GPATCH8: variants seen among roughly 807,000 people sequenced by gnomAD.
GPATCH8 encodes G-patch domain containing 8, also known as G patch domain-containing protein 8.
In GPATCH8, 18 loss-of-function variants were observed where a neutral mutation model predicts 118.3. The observed-to-expected ratio is 0.15, with a 90% confidence interval of 0.11 to 0.23. GPATCH8 has a LOEUF of 0.23. GPATCH8 is among the 10% of genes least tolerant of loss of function. The pLI is 1.00. For synonymous variants in GPATCH8, 659 were observed against 684.7 expected, an observed-to-expected ratio of 0.96 and a Z score of 0.59; for missense variants, 1,631 against 1,873.8, an observed-to-expected ratio of 0.87 and a Z score of 2.39.
At chr17:44,433,007 A>G (rs958641063) in intron 5 of GPATCH8, among the ~76,000 whole-genome samples, 5 of 151,622 alleles carry the variant, frequency 3.3e-5, no homozygotes, top group African/African-American at 1.2e-4. Context: ...ACACCTAGCT[A>G]TTTTTTTTCT....
chr17:44,461,094 T>C (rs1304182853), intron 3 of GPATCH8, among the ~76,000 whole-genome samples: 1 of 152,218 alleles, frequency 6.6e-6, no homozygotes, highest in Non-Finnish European at 1.5e-5. Flanking sequence ...ACAATGTAAA[T>C]ATACTTCACA....
At position 44,424,332 on chromosome 17, in the gene GPATCH8, A is replaced by G. The variant is rs1414950608; in HGVS notation, c.492+17T>C. The G allele has an allele frequency of 2.6e-6, 4 of 1,558,036 alleles. No homozygotes were observed. In the African/African-American group the frequency reaches 5.4e-5, roughly 21 times the overall value. On this transcript the variant is annotated intron_variant, in intron 6 of 7. Coordinates refer to ENST00000591680, the MANE Select transcript of GPATCH8 (RefSeq NM_001002909.4). ...TAGATAGGTACCTTCTTCTGTTAGC[A>G]AGTAACTACAACTCACCTGCTTGTG...
chr17:44,503,314 G>T lies in GPATCH8; in HGVS notation c.45+12C>A. The T allele has an allele frequency of 6.2e-7, 1 of 1,607,320 alleles. No homozygotes were observed. The highest frequency in any genetic ancestry group is 2.2e-5 in the East Asian group (1 of 44,696). On this transcript the variant is annotated intron_variant, in intron 1 of 7. Coordinates refer to ENST00000591680, the MANE Select transcript of GPATCH8 (RefSeq NM_001002909.4). ...GCGCCTTCCCCGCATCCTCGGCGAC[G>T]CCCGTGTTTACCTGAAAGTCTCGGT...
At chr17:44,491,486 C>CA (rs1023934645) in intron 1 of GPATCH8, among the ~76,000 whole-genome samples, 3,222 of 68,012 alleles carry the variant, frequency 0.047, 111 homozygotes, top group African/African-American at 0.11. Context: ...GACTCCGTCT[C>CA]AAAAAAAAAA....
intron 1 of GPATCH8, among the ~76,000 whole-genome samples, chr17:44,496,735 T>C (rs1478337726): frequency 6.6e-6 from 1 of 152,250 alleles, no homozygotes; most frequent in Non-Finnish European, 1.5e-5. Context: ...TTTAGTTGCT[T>C]TTTCTTCCTA....
chr17:44,404,788 T>C (rs1047639376), intron 7 of GPATCH8, among the ~76,000 whole-genome samples: 2 of 152,116 alleles, frequency 1.3e-5, no homozygotes, highest in Non-Finnish European at 2.9e-5. Context: ...GGACTAATTA[T>C]TATGTTAAGT....
At chr17:44,427,869 A>C (rs934475882) in intron 5 of GPATCH8, among the ~76,000 whole-genome samples, 1 of 152,232 alleles carries the variant, frequency 6.6e-6, no homozygotes, top group Non-Finnish European at 1.5e-5. Flanking sequence ...GGGTAATTTC[A>C]TTAAGTTATA....
At chr17:44,457,665 G>A (rs528118109) in intron 3 of GPATCH8, among the ~76,000 whole-genome samples, 3 of 152,274 alleles carry the variant, frequency 2.0e-5, no homozygotes, top group Admixed American at 1.3e-4. Flanking sequence ...CAGGCATGGT[G>A]GATCACACCT....
At position 44,397,681 on chromosome 17, in the gene GPATCH8, G is replaced by T; in HGVS notation, c.4396C>A (p.Leu1466Ile). Residue 1466 changes from leucine to isoleucine, a missense_variant, in exon 8 of 8, where the codon CTA becomes ATA. This residue lies in a region of GPATCH8 where 65 missense variants were observed against 105.3 expected (regional missense o/e 0.62). Coordinates refer to ENST00000591680, the MANE Select transcript of GPATCH8 (RefSeq NM_001002909.4). ...PVPHAALYPT[L>I]LAPRPAAAAA... is the part of the protein sequence containing the mutation. ...GCTGCAGCAGGCCGTGGAGCAAGTA[G>T]GGTGGGGTAGAGGGCAGCATGTGGG... 1 of 1,612,834 alleles carries T rather than the reference G, an allele frequency of 6.2e-7. No individual in the cohort carries two copies. The highest frequency in any genetic ancestry group is 8.5e-7 in the Non-Finnish European group (1 of 1,179,110).
chr17:44,461,144 TTTATG>T (rs2051531175), intron 3 of GPATCH8, among the ~76,000 whole-genome samples: 1 of 152,142 alleles, frequency 6.6e-6, no homozygotes, highest in Non-Finnish European at 1.5e-5. Flanking sequence ...GATGCTAAAT[TTTATG>T]TTATGTGTTT....
At position 44,439,111 on chromosome 17, in the gene GPATCH8, T is replaced by C. The variant is rs576276370; in HGVS notation, c.194-2566A>G. Among the ~76,000 whole-genome samples, 216 of 152,286 alleles carry C rather than the reference T, an allele frequency of 1.4e-3. 1 individual carries two copies. The highest frequency in any genetic ancestry group is 2.6e-3 in the Non-Finnish European group (176 of 68,026). On this transcript the variant is annotated intron_variant, in intron 3 of 7. Transcript: ENST00000591680. ...ATCAGATCAACTAACTGGACAGTAA[T>C]CAAGTCATTTACTTCACCAAAAGAA...
Position 44,399,086 on chromosome 17 carries a change from C to CCTGGTG in GPATCH8, c.2985_2990dup (p.Ser995_Thr996dup), listed in dbSNP as rs766705007. On this transcript the variant is annotated inframe_insertion, in exon 8 of 8. Coordinates refer to ENST00000591680, the MANE Select transcript of GPATCH8 (RefSeq NM_001002909.4). ...TGGAGCCTGATCTCTGGGAAGGGCT[C>CCTGGTG]CTGGTGCTGCGGCTGCGGTCCCGGC... 1 of 1,614,002 alleles carries CCTGGTG rather than the reference C, an allele frequency of 6.2e-7. No homozygotes were observed. The highest frequency in any genetic ancestry group is 1.7e-5 in the Admixed American group (1 of 60,002).
At chr17:44,414,143 GTGTATATATATATGTGTA>G (rs1567955822) in intron 6 of GPATCH8, among the ~76,000 whole-genome samples, 51 of 24,816 alleles carry the variant, frequency 2.1e-3, no homozygotes, top group African/African-American at 3.2e-3. Context: ...ATATATATAT[GTGTATATATATATGTGTA>G]TATATATATA....
At chr17:44,475,898 G>A (rs1217642798) in intron 1 of GPATCH8, among the ~76,000 whole-genome samples, 1 of 151,690 alleles carries the variant, frequency 6.6e-6, no homozygotes, top group Non-Finnish European at 1.5e-5. Context: ...ACATTGTGGT[G>A]TGAGCCTGTA....
Position 44,398,926 on chromosome 17 carries a change from C to G in GPATCH8, c.3151G>C (p.Asp1051His), listed in dbSNP as rs1448421704. 1 of 1,614,182 alleles carries G rather than the reference C, an allele frequency of 6.2e-7. No homozygotes were observed. Among genetic ancestry groups the G allele is most frequent in the South Asian group, 1.1e-5 (1 of 91,082 alleles). ...TTACTGTCATCTCCTCTGCCATCAT[C>G]TTTCTTCCCAGGACCTTCTCCCCGG... Reference protein sequence around the residue: ...SGRGEGPGKKDDGRGDDSKAT... With the variant: ...SGRGEGPGKKHDGRGDDSKAT... The change falls in exon 8 of 8, where the codon GAT (aspartate) becomes CAT (histidine). Residue 1051 changes from aspartate to histidine, a missense_variant. Around this residue, in one of 8 missense-constraint regions of GPATCH8, gnomAD observed 922 missense variants for 879.7 expected, o/e 1.05. Coordinates refer to ENST00000591680, the MANE Select transcript of GPATCH8 (RefSeq NM_001002909.4).
At chr17:44,448,961 G>T (rs942477148) in intron 3 of GPATCH8, among the ~76,000 whole-genome samples, 1 of 152,094 alleles carries the variant, frequency 6.6e-6, no homozygotes, top group Non-Finnish European at 1.5e-5. Flanking sequence ...ATTAAAAAAT[G>T]GGGCAAGGGG....
rs1053465158 is a variant in GPATCH8, at chr17:44,395,341, TCTATCA to T, written c.*2221_*2226del. The T allele has an allele frequency of 2.3e-6, 1 of 434,710 alleles. No homozygotes were observed. The highest frequency in any genetic ancestry group is 4.6e-6 in the Non-Finnish European group (1 of 219,536). 26.9% of individuals were successfully genotyped at this position (434,710 alleles called of 1,614,324 possible). On this transcript the variant is annotated 3_prime_UTR_variant, in exon 8 of 8. Transcript: ENST00000591680. ...TCCCTCATTTTACAGCATATATATCTCTATCATATGTGATAAAGTTAAATACAATCT... is the reference window on the plus strand; with the variant it reads ...TCCCTCATTTTACAGCATATATATCTTATGTGATAAAGTTAAATACAATCT...
At chr17:44,424,223 C>G in intron 6 of GPATCH8, 126 bp downstream of exon 6, 1 of 732,826 alleles carries the variant, frequency 1.4e-6, no homozygotes, top group Admixed American at 2.0e-5. Context: ...TGTTGGATGA[C>G]TGCAGATAAA....
chr17:44,398,757 C>T lies in GPATCH8; in HGVS notation c.3320G>A (p.Ser1107Asn), dbSNP rs772428955. Residue 1107 changes from serine to asparagine, a missense_variant, in exon 8 of 8, where the codon AGT (serine) becomes AAT (asparagine). Transcript: ENST00000591680. ...IQSRKVERKP[S>N]VSEEVQATPN... ...GGTGGCCTGCACCTCCTCACTCACA[C>T]TAGGTTTCCTCTCCACTTTCCTTGA... is the stretch of plus-strand genomic sequence containing the variant. 5.0e-6 allele frequency: 8 copies of T among 1,613,660 alleles called. No homozygotes were observed. In the Admixed American group the frequency reaches 5.0e-5, roughly 10 times the overall value.
Sources: gnomAD v4.1 joint callset for allele counts (sites outside exome capture counted in the v4.1 genomes callset) on GRCh38, gnomAD v4.1.1 for gene constraint, gnomAD v4.1.1 regional missense constraint, MANE v1.5 for transcripts, NCBI Gene and HGNC (gene_info 2026-07-23, HGNC 2026-07-21) for gene names.